EXTL3: variants seen among roughly 807,000 people sequenced by gnomAD.
The protein encoded by EXTL3 is exostosin-like 3.
In EXTL3, 27 loss-of-function variants were observed where a neutral mutation model predicts 69.3. That is an observed-to-expected ratio of 0.39 (90% CI 0.29 to 0.54). The LOEUF (loss-of-function observed/expected upper bound fraction) is 0.54. EXTL3 is among the 20% of genes least tolerant of loss of function. The probability of loss-of-function intolerance (pLI) is 0.69; values close to 1 mark genes in which losing one functional copy is unlikely to be tolerated. For missense variants in EXTL3, 1,003 were observed against 1,231.8 expected, an observed-to-expected ratio of 0.81 and a Z score of 2.78; for synonymous variants, 511 against 499.4, an observed-to-expected ratio of 1.02 and a Z score of -0.31.
intron 1 of EXTL3, among the ~76,000 whole-genome samples, chr8:28,668,229 T>C (rs1807227082): frequency 7.3e-6 from 1 of 136,362 alleles, no homozygotes; most frequent in South Asian, 2.2e-4. Flanking sequence ...ATTGCACCAG[T>C]GCACTCCAAC....
intron 2 of EXTL3, among the ~76,000 whole-genome samples, chr8:28,611,676 C>A (rs183242700): frequency 5.7e-4 from 87 of 152,274 alleles, no homozygotes; most frequent in African/African-American, 2.1e-3. Flanking sequence ...TTGTGAGCCC[C>A]GAGGTGAAAG....
intron 1 of EXTL3, among the ~76,000 whole-genome samples, chr8:28,666,571 C>G (rs1303331035): frequency 2.0e-5 from 3 of 151,978 alleles, no homozygotes; most frequent in Admixed American, 2.0e-4. Context: ...CCACTCTTTT[C>G]TTTTCTTTCT....
intron 1 of EXTL3, among the ~76,000 whole-genome samples, chr8:28,677,026 A>G (rs1448807119): frequency 6.6e-6 from 1 of 152,094 alleles, no homozygotes; most frequent in Non-Finnish European, 1.5e-5. Flanking sequence ...TGAGCATTTG[A>G]GGGTAGCTGG....
At chr8:28,738,998 C>T (rs1801718271) in intron 5 of EXTL3, among the ~76,000 whole-genome samples, 1 of 152,168 alleles carries the variant, frequency 6.6e-6, no homozygotes, top group African/African-American at 2.4e-5. Flanking sequence ...GTGAAGTGTC[C>T]CGGGGTCTAG....
intron 1 of EXTL3, among the ~76,000 whole-genome samples, chr8:28,674,324 T>C (rs1467249860): frequency 6.6e-6 from 1 of 152,178 alleles, no homozygotes; most frequent in Admixed American, 6.5e-5. Context: ...CCTCCCACTT[T>C]GGCCTCCCAA....
chr8:28,627,550 CAT>C (rs1489150856), intron 1 of EXTL3, among the ~76,000 whole-genome samples: 5 of 147,340 alleles, frequency 3.4e-5, no homozygotes, highest in African/African-American at 7.5e-5. Context: ...AAAAATGAAA[CAT>C]AGAATTATCA....
rs1277621940 is a variant in EXTL3, at chr8:28,715,645, C to G, written c.-415C>G. 1 of 196,314 alleles carries G rather than the reference C, an allele frequency of 5.1e-6. No homozygotes were observed. Among genetic ancestry groups the G allele is most frequent in the East Asian group, 1.2e-4 (1 of 8,052 alleles). The allele number at this position is 196,314 out of a possible 1,614,324, so 12.2% of individuals were successfully genotyped here. A position where few individuals can be genotyped will look rare whatever the true frequency, so the allele number is the denominator to read the frequency against. On this transcript the variant is annotated 5_prime_UTR_variant, in exon 3 of 7. Transcript: ENST00000220562. Reference sequence around the variant, plus strand: ...CATTTATTTCTGTTCTAACCTATTACTGTATAACTGTGAATAGACACTATG... The same window carrying G: ...CATTTATTTCTGTTCTAACCTATTAGTGTATAACTGTGAATAGACACTATG...
At chr8:28,686,124 C>T (rs1025110024) in intron 1 of EXTL3, 1 of 152,082 alleles carries the variant, frequency 6.6e-6, no homozygotes, top group African/African-American at 2.4e-5. Flanking sequence ...CCTTGGCCTT[C>T]CAAAGTGCTG....
At chr8:28,748,342 G>A (rs1047858152) in intron 6 of EXTL3, among the ~76,000 whole-genome samples, 14 of 150,936 alleles carry the variant, frequency 9.3e-5, no homozygotes, top group African/African-American at 2.9e-4. Flanking sequence ...CTGCACTCCA[G>A]CCTGGGAGAC....
rs545077269 is a variant in EXTL3 at position 28,717,580 on chromosome 8, T to C, written c.1521T>C (p.Ala507=). The change falls in exon 3 of 7, where the codon GCT becomes GCC. Residue 507 remains alanine, a synonymous_variant. Transcript: ENST00000220562. The surrounding 1 kb of genome is among the most constrained non-coding windows in gnomAD (Gnocchi z 8.3). ...LRSLSDSDLL[A]MRRQGRFLWE... The stretch of plus-strand genomic sequence containing the variant: ...GCCTCTCCGATAGTGACCTCCTGGC[T>C]ATGAGGCGGCAAGGCCGCTTTCTCT... 2 of 1,614,236 alleles carry C rather than the reference T, an allele frequency of 1.2e-6. No individual in the cohort carries two copies. The highest frequency in any genetic ancestry group is 1.7e-6 in the Non-Finnish European group (2 of 1,180,032).
intron 1 of EXTL3, among the ~76,000 whole-genome samples, chr8:28,711,511 G>T (rs189656562): frequency 6.6e-6 from 1 of 151,832 alleles, no homozygotes; most frequent in Non-Finnish European, 1.5e-5. Context: ...TAACCCTGGC[G>T]GTAGGTAGAG....
chr8:28,720,138 T>TG (rs1024877213), intron 3 of EXTL3, among the ~76,000 whole-genome samples: 7 of 152,146 alleles, frequency 4.6e-5, no homozygotes, highest in African/African-American at 1.4e-4. Flanking sequence ...GCGGGTGTTC[T>TG]GGGGAACAGT....
intron 1 of EXTL3, among the ~76,000 whole-genome samples, chr8:28,681,111 T>C (rs1807480072): frequency 6.6e-6 from 1 of 151,874 alleles, no homozygotes; most frequent in African/African-American, 2.4e-5. Context: ...CCTGACCTTG[T>C]GATCCGCCCA....
Position 28,713,510 on chromosome 8 carries a change from T to G in EXTL3, c.-516T>G. On this transcript the variant is annotated 5_prime_UTR_variant, in exon 2 of 7. It removes an upstream start codon present in the reference 5' UTR. Transcript: ENST00000220562. ...CAAGAAGTCGTGTGCTGAGGTGTAA[T>G]GCTACACAAGTCAGAGGAAGGAAGG... The G allele has an allele frequency of 1.4e-6, 1 of 702,374 alleles. No individual in the cohort carries two copies. Among genetic ancestry groups the G allele is most frequent in the Non-Finnish European group, 2.6e-6 (1 of 384,926 alleles). The allele number at this position is 702,374 out of a possible 1,614,324, so 43.5% of individuals were successfully genotyped here.
At chr8:28,670,477 G>C (rs1563442579) in intron 1 of EXTL3, among the ~76,000 whole-genome samples, 1 of 152,204 alleles carries the variant, frequency 6.6e-6, no homozygotes, top group Non-Finnish European at 1.5e-5. Flanking sequence ...AAGGGCTGGT[G>C]ATGTAAATTC....
chr8:28,681,857 C>T (rs182509284), intron 1 of EXTL3, among the ~76,000 whole-genome samples: 1 of 152,234 alleles, frequency 6.6e-6, no homozygotes, highest in African/African-American at 2.4e-5. Flanking sequence ...AATTCGAGAC[C>T]AGCCTGACCA....
chr8:28,734,884 G>C (rs1310960191), intron 4 of EXTL3, among the ~76,000 whole-genome samples: 4 of 152,200 alleles, frequency 2.6e-5, no homozygotes, highest in Non-Finnish European at 4.4e-5. Context: ...AAGAGCAGAT[G>C]CTCAGATAAA....
At chr8:28,725,682 A>G (rs1801396973) in intron 3 of EXTL3, among the ~76,000 whole-genome samples, 1 of 152,214 alleles carries the variant, frequency 6.6e-6, no homozygotes, top group African/African-American at 2.4e-5. Context: ...TAAAGCAATC[A>G]CTTGAAAGTG....
chr8:28,696,085 CAG>C (rs1275417137), intron 1 of EXTL3: 1 of 152,102 alleles, frequency 6.6e-6, no homozygotes, highest in African/African-American at 2.4e-5. Context: ...TTTGTGGAGA[CAG>C]GGTCTTCCTG....
Sources: gnomAD v4.1 joint callset for allele counts (sites outside exome capture counted in the v4.1 genomes callset) on GRCh38, gnomAD v4.1.1 for gene constraint, Gnocchi (gnomAD v3.1) non-coding constraint, MANE v1.5 for transcripts, NCBI Gene and HGNC (gene_info 2026-07-23, HGNC 2026-07-21) for gene names.